Variants in ZDHHC14 observed in about 807,000 individuals in gnomAD.
ZDHHC14 encodes the protein zDHHC palmitoyltransferase 14.
In ZDHHC14, 16 loss-of-function variants were observed where a neutral mutation model predicts 47.7. That is an observed-to-expected ratio of 0.34 (90% CI 0.23 to 0.51). The LOEUF (loss-of-function observed/expected upper bound fraction) is 0.51, where lower values mean the gene tolerates loss of function less well. ZDHHC14 is among the 20% of genes least tolerant of loss of function. ZDHHC14 has a pLI of 0.97. For missense variants in ZDHHC14, 515 were observed against 662.5 expected (o/e 0.78, Z 2.44); for synonymous variants, 293 against 278.9 (o/e 1.05, Z -0.50).
At chr6:157,536,979 C>A (rs1781566944) in intron 1 of ZDHHC14, among the ~76,000 whole-genome samples, 1 of 108,492 alleles carries the variant, frequency 9.2e-6, no homozygotes, top group Non-Finnish European at 1.9e-5. Flanking sequence ...CCACTACGCC[C>A]GGCTAATTTT....
At position 157,567,039 on chromosome 6, in the gene ZDHHC14, C is replaced by T. The variant is rs1044177057; in HGVS notation, c.406+24294C>T. Among the ~76,000 whole-genome samples the T allele has an allele frequency of 4.0e-5, 6 of 151,892 alleles. No homozygotes were observed. The South Asian group carries it at 1.0e-3, about 26-fold the overall frequency. ...CTAATTTTTGTATTTTTAGTAGAGA[C>T]GGGGTTTCACCATGTTGGCCAGGCT... is the stretch of plus-strand genomic sequence containing the variant. On this transcript the variant is annotated intron_variant, in intron 2 of 8. Transcript: ENST00000359775.
intron 8 of ZDHHC14, among the ~76,000 whole-genome samples, chr6:157,654,166 T>A (rs1395574442): frequency 6.6e-6 from 1 of 152,190 alleles, no homozygotes; most frequent in East Asian, 1.9e-4. Flanking sequence ...CTCCAGAGCG[T>A]GTGCACATCT....
At chr6:157,571,779 T>TA (rs1204328752) in intron 2 of ZDHHC14, among the ~76,000 whole-genome samples, 1 of 143,314 alleles carries the variant, frequency 7.0e-6, no homozygotes, top group Non-Finnish European at 1.6e-5. Flanking sequence ...AATCTGTATT[T>TA]TTTTTTTTTT....
chr6:157,664,740 A>T (rs1399300207), intron 8 of ZDHHC14, among the ~76,000 whole-genome samples: 5 of 152,172 alleles, frequency 3.3e-5, no homozygotes, highest in Non-Finnish European at 7.3e-5. Context: ...TCCCTAATGC[A>T]CTACTTTTCT....
At chr6:157,627,044 C>G (rs533790327) in intron 3 of ZDHHC14, among the ~76,000 whole-genome samples, 1 of 152,300 alleles carries the variant, frequency 6.6e-6, no homozygotes, top group Admixed American at 6.5e-5. Context: ...GTCCTCTGCT[C>G]AGATTGGCTG....
At chr6:157,589,341 G>T (rs1582984888) in intron 2 of ZDHHC14, among the ~76,000 whole-genome samples, 1 of 152,066 alleles carries the variant, frequency 6.6e-6, no homozygotes, top group Admixed American at 6.6e-5. Context: ...TAAGATCTGG[G>T]CAGGGATACA....
At chr6:157,458,849 A>ATTTTTTTTTTTTTTTTT (rs750975822) in intron 1 of ZDHHC14, among the ~76,000 whole-genome samples, 2,852 of 81,092 alleles carry the variant, frequency 0.035, 456 homozygotes, top group East Asian at 0.053. Context: ...ATGTGGGTGG[A>ATTTTTTTTTTTTTTTTT]TTTTTTTTTT....
At chr6:157,399,229 C>T (rs865886392) in intron 1 of ZDHHC14, among the ~76,000 whole-genome samples, 28 of 152,078 alleles carry the variant, frequency 1.8e-4, no homozygotes, top group Admixed American at 1.0e-3. Flanking sequence ...TTCTTAGTCT[C>T]TTGAGTCAAG....
Position 157,494,538 on chromosome 6 carries a change from C to T in ZDHHC14, c.246-48047C>T, listed in dbSNP as rs1780008883. On this transcript the variant is annotated intron_variant, in intron 1 of 8. Transcript: ENST00000359775. ...ACAACATGTGGCCTGGACTGCAGGG[C>T]TCTGGAAGCTCTTTCCAAATTATGC... Among the ~76,000 whole-genome samples, 3 of 152,190 alleles carry T rather than the reference C, an allele frequency of 2.0e-5. No homozygotes were observed. In the South Asian group the frequency reaches 6.2e-4, roughly 32 times the overall value.
chr6:157,484,429 T>C (rs1284016680), intron 1 of ZDHHC14, among the ~76,000 whole-genome samples: 3 of 145,796 alleles, frequency 2.1e-5, no homozygotes, highest in Admixed American at 6.9e-5. Context: ...TACATATATA[T>C]ACGTATATAT....
intron 7 of ZDHHC14, among the ~76,000 whole-genome samples, chr6:157,651,659 C>T (rs1777844729): frequency 6.6e-6 from 1 of 152,146 alleles, no homozygotes; most frequent in East Asian, 1.9e-4. Flanking sequence ...ACTTCTGCCT[C>T]CCAGGTTCAA....
In ZDHHC14 at chr6:157,470,645, T is replaced by C. The variant is rs562082556; in HGVS notation, c.246-71940T>C. Among the ~76,000 whole-genome samples the C allele has an allele frequency of 9.3e-4, 141 of 152,368 alleles. 1 individual carries two copies. The highest frequency in any genetic ancestry group is 3.0e-3 in the African/African-American group (125 of 41,582). On this transcript the variant is annotated intron_variant, in intron 1 of 8. Coordinates refer to ENST00000359775, the MANE Select transcript of ZDHHC14 (RefSeq NM_024630.3). ...TTCTGCAATGTTATTTATATAGTTTTAAACACTGTTATTTTACAGATAGAA... is the reference window on the plus strand; with the variant it reads ...TTCTGCAATGTTATTTATATAGTTTCAAACACTGTTATTTTACAGATAGAA...
chr6:157,628,319 CTTT>C (rs66974557), intron 3 of ZDHHC14, 27 bp from the exon 4 acceptor site: 8 of 1,440,342 alleles, frequency 5.6e-6, no homozygotes, highest in African/African-American at 1.5e-5. Flanking sequence ...TTGATTTCCA[CTTT>C]TTTTTTTTTT....
chr6:157,429,386 T>A (rs1331701340), intron 1 of ZDHHC14, among the ~76,000 whole-genome samples: 1 of 152,180 alleles, frequency 6.6e-6, no homozygotes, highest in African/African-American at 2.4e-5. Context: ...TAAAAATGAA[T>A]TTATTGCTGT....
chr6:157,390,684 A>G (rs911790979), intron 1 of ZDHHC14, among the ~76,000 whole-genome samples: 11 of 151,844 alleles, frequency 7.2e-5, no homozygotes, highest in African/African-American at 2.7e-4. Flanking sequence ...CTAATTTTTG[A>G]TATCTTTTTT....
intron 1 of ZDHHC14, among the ~76,000 whole-genome samples, chr6:157,425,699 T>A (rs1418708281): frequency 3.9e-5 from 6 of 152,210 alleles, no homozygotes; most frequent in African/African-American, 1.2e-4. Context: ...TGTTCTGAAG[T>A]AGAAACTAAA....
intron 1 of ZDHHC14, among the ~76,000 whole-genome samples, chr6:157,530,907 A>T (rs1291588287): frequency 6.6e-6 from 1 of 152,118 alleles, no homozygotes; most frequent in Non-Finnish European, 1.5e-5. Flanking sequence ...TAAAAAAAAA[A>T]TCTTCAATTC....
chr6:157,394,526 G>C (rs1451269257), intron 1 of ZDHHC14, among the ~76,000 whole-genome samples: 1 of 152,180 alleles, frequency 6.6e-6, no homozygotes, highest in Non-Finnish European at 1.5e-5. Context: ...GCCATGTAGA[G>C]GGGTTTAGAC....
rs959601247 is a variant in ZDHHC14, at chr6:157,582,083, T to G, written c.407-10905T>G. On this transcript the variant is annotated intron_variant, in intron 2 of 8. Coordinates refer to ENST00000359775, the MANE Select transcript of ZDHHC14 (RefSeq NM_024630.3). This position sits in a 1 kb window ranked among gnomAD's most constrained non-coding sequence, Gnocchi z 4.3. ...GCTAATTTTTTGTATTTTTAGTAGA[T>G]TTGGGCTTTCTCCATGTTGGCCAGG... 1.3e-5 allele frequency among the ~76,000 whole-genome samples: 2 copies of G among 152,050 alleles called. No individual in the cohort carries two copies. The highest frequency in any genetic ancestry group is 4.8e-5 in the African/African-American group (2 of 41,410).
Sources: gnomAD v4.1 joint callset for allele counts (sites outside exome capture counted in the v4.1 genomes callset) on GRCh38, gnomAD v4.1.1 for gene constraint, Gnocchi (gnomAD v3.1) non-coding constraint, MANE v1.5 for transcripts, NCBI Gene and HGNC (gene_info 2026-07-23, HGNC 2026-07-21) for gene names.